Variants in SLC2A9 observed in about 807,000 individuals in gnomAD.
The protein encoded by SLC2A9 is solute carrier family 2, facilitated glucose transporter member 9.
SLC2A9 carries 39 observed loss-of-function variants against 50.6 expected under a neutral mutation model. The ratio of observed to expected loss-of-function variants is 0.77; its 90% confidence interval spans 0.60 to 1.01. The LOEUF is 1.01. Ranked by LOEUF, SLC2A9 falls within the 50% of genes least tolerant of loss-of-function variation. SLC2A9 has a pLI of 0.00. For synonymous variants in SLC2A9, 324 were observed against 276.9 expected, an observed-to-expected ratio of 1.17 and a Z score of -1.69; for missense variants, 686 against 677.6, an observed-to-expected ratio of 1.01 and a Z score of -0.14.
intron 3 of SLC2A9, chr4:9,782,540 A>C: frequency 6.2e-7 from 1 of 1,613,854 alleles, no homozygotes; most frequent in Non-Finnish European, 8.5e-7. Flanking sequence ...GTCCATCCTC[A>C]TCTCCTTCAT....
At position 9,977,572 on chromosome 4, in the gene SLC2A9, T is replaced by C. The variant is rs1004901355; in HGVS notation, c.681+3020A>G. ...CTCCCCCTCCCCCTCCCCCTGCTCCTGACACCTGAGTTTTTCTGCCTCTGA... is the reference window on the plus strand; with the variant it reads ...CTCCCCCTCCCCCTCCCCCTGCTCCCGACACCTGAGTTTTTCTGCCTCTGA... On this transcript the variant is annotated intron_variant, in intron 5 of 11. Coordinates refer to ENST00000264784, the MANE Select transcript of SLC2A9 (RefSeq NM_020041.3). Among the ~76,000 whole-genome samples, 26 of 64,434 alleles carry C rather than the reference T, an allele frequency of 4.0e-4. No homozygotes were observed. The East Asian group carries it at 0.012, about 30-fold the overall frequency. 42.3% of individuals were successfully genotyped at this position (64,434 alleles called of 152,430 possible).
At chr4:9,842,728 T>C (rs1053695545) in intron 10 of SLC2A9, among the ~76,000 whole-genome samples, 1 of 152,232 alleles carries the variant, frequency 6.6e-6, no homozygotes, top group Admixed American at 6.5e-5. Context: ...TGCCCAACAG[T>C]CCAATATAGC....
At chr4:9,878,145 C>CATATATATATAT (rs936756552) in intron 10 of SLC2A9, among the ~76,000 whole-genome samples, 7 of 150,462 alleles carry the variant, frequency 4.7e-5, no homozygotes, top group African/African-American at 1.7e-4. Flanking sequence ...CACACACACA[C>CATATATATATAT]ATATATATAT....
chr4:9,844,095 G>A (rs1210493659), intron 10 of SLC2A9, among the ~76,000 whole-genome samples: 1 of 144,006 alleles, frequency 6.9e-6, no homozygotes, highest in Admixed American at 7.4e-5. Flanking sequence ...GAAGCTCAGA[G>A]AGGGAAATGT....
chr4:10,020,252 T>C (rs981402028), intron 1 of SLC2A9, among the ~76,000 whole-genome samples: 2 of 152,076 alleles, frequency 1.3e-5, no homozygotes, highest in African/African-American at 2.4e-5. Flanking sequence ...AGCCACGAGA[T>C]AGAGCTTTGG....
intron 2 of SLC2A9, among the ~76,000 whole-genome samples, 158 bp downstream of exon 2, chr4:10,018,817 G>C (rs1227477413): frequency 6.6e-6 from 1 of 152,226 alleles, no homozygotes; most frequent in East Asian, 1.9e-4. Flanking sequence ...GTCTGTCTCT[G>C]TGCCTCCCCT....
At chr4:9,892,448 T>C (rs1157047092) in intron 8 of SLC2A9, among the ~76,000 whole-genome samples, 1 of 152,154 alleles carries the variant, frequency 6.6e-6, no homozygotes, top group Non-Finnish European at 1.5e-5. Context: ...CTTGGCCTCC[T>C]AGAAACCTGG....
In SLC2A9 at chr4:9,996,169, A is replaced by C. The variant is rs982078073; in HGVS notation, c.410+612T>G. Among the ~76,000 whole-genome samples, 8 of 152,198 alleles carry C rather than the reference A, an allele frequency of 5.3e-5. 1 individual carries two copies. The highest frequency in any genetic ancestry group is 1.9e-4 in the African/African-American group (8 of 41,452). On this transcript the variant is annotated intron_variant, in intron 3 of 11. Coordinates refer to ENST00000264784, the MANE Select transcript of SLC2A9 (RefSeq NM_020041.3). ...TGATTCTCACTGCTTCCTTATTTGT[A>C]ATGTAAATGATCTGAAATGACCTAA... is the stretch of plus-strand genomic sequence containing the variant.
chr4:10,013,169 G>A (rs1762049712), intron 2 of SLC2A9, among the ~76,000 whole-genome samples: 1 of 152,200 alleles, frequency 6.6e-6, no homozygotes, highest in African/African-American at 2.4e-5. Context: ...GCAAAGTCCA[G>A]TGTGCGTTTA....
intron 1 of SLC2A9, chr4:10,035,371 G>A (rs979360895): frequency 1.3e-5 from 2 of 152,220 alleles, no homozygotes; most frequent in Non-Finnish European, 2.9e-5. Context: ...CCTCCTGGGG[G>A]ACTAAGATGT....
chr4:9,772,004 T>G (rs1344044402), intron 1 of SLC2A9, among the ~76,000 whole-genome samples: 1 of 152,196 alleles, frequency 6.6e-6, no homozygotes, highest in Non-Finnish European at 1.5e-5. Context: ...AGGGCCACAC[T>G]GAGGAGCTGG....
intron 7 of SLC2A9, among the ~76,000 whole-genome samples, chr4:9,913,466 G>A (rs1465577663): frequency 6.6e-6 from 1 of 152,134 alleles, no homozygotes; most frequent in Non-Finnish European, 1.5e-5. Context: ...CTATCTTGAA[G>A]TACAGAAGAC....
At chr4:9,993,076 G>C (rs1757991082) in intron 3 of SLC2A9, among the ~76,000 whole-genome samples, 1 of 152,192 alleles carries the variant, frequency 6.6e-6, no homozygotes, top group Non-Finnish European at 1.5e-5. Context: ...TGTCTTTCTT[G>C]TTCACTGAAG....
At chr4:9,820,895 C>T (rs1724305680) in intron 3 of SLC2A9, among the ~76,000 whole-genome samples, 1 of 152,142 alleles carries the variant, frequency 6.6e-6, no homozygotes, top group Non-Finnish European at 1.5e-5. Flanking sequence ...TAATGTTTTG[C>T]TTTTCAATCT....
intron 3 of SLC2A9, among the ~76,000 whole-genome samples, chr4:9,987,789 C>T (rs1756992467): frequency 6.6e-6 from 1 of 151,916 alleles, no homozygotes; most frequent in South Asian, 2.1e-4. Context: ...GATCATGCCA[C>T]CGCACTCCAA....
intron 4 of SLC2A9, among the ~76,000 whole-genome samples, chr4:9,981,239 G>A (rs369392735): frequency 3.0e-4 from 28 of 94,674 alleles, no homozygotes; most frequent in South Asian, 4.0e-4. Flanking sequence ...TGACTGTGAT[G>A]ATGGTTGTGG....
chr4:9,993,857 C>A (rs1305467356), intron 3 of SLC2A9, among the ~76,000 whole-genome samples: 1 of 152,218 alleles, frequency 6.6e-6, no homozygotes, highest in Non-Finnish European at 1.5e-5. Flanking sequence ...TCCTGGCCCC[C>A]TTTGCTTCCC....
chr4:9,900,518 A>C (rs1359097953), intron 8 of SLC2A9, among the ~76,000 whole-genome samples: 1 of 151,990 alleles, frequency 6.6e-6, no homozygotes, highest in East Asian at 1.9e-4. Context: ...TCCAGGGCAA[A>C]ACCCCACCTT....
At chr4:10,008,003 A>C (rs1761096192) in intron 2 of SLC2A9, among the ~76,000 whole-genome samples, 1 of 152,170 alleles carries the variant, frequency 6.6e-6, no homozygotes. Flanking sequence ...GGGTGCTTCT[A>C]GTTTCACTTG....
Sources: gnomAD v4.1 joint callset for allele counts (sites outside exome capture counted in the v4.1 genomes callset) on GRCh38, gnomAD v4.1.1 for gene constraint, MANE v1.5 for transcripts, NCBI Gene and HGNC (gene_info 2026-07-23, HGNC 2026-07-21) for gene names.